The following FAT2 variants were observed in gnomAD, a reference collection of about 807,000 sequenced individuals.
FAT2 encodes FAT atypical cadherin 2, also known as protocadherin Fat 2.
FAT2 carries 150 observed loss-of-function variants against 295.3 expected under a neutral mutation model. That is an observed-to-expected ratio of 0.51 (90% confidence interval 0.44 to 0.58). The LOEUF is 0.58. FAT2 is among the 20% of genes least tolerant of loss of function. FAT2 has a pLI of 0.00. For synonymous variants in FAT2, 2,026 were observed against 2,150.3 expected (o/e 0.94, Z 1.60); for missense variants, 4,868 against 5,442.7 (o/e 0.89, Z 3.32).
At chr5:151,563,727 A>T in intron 2 of FAT2, 88 bp from the exon 3 acceptor site, 1 of 1,050,812 alleles carries the variant, frequency 9.5e-7, no homozygotes, top group Non-Finnish European at 1.4e-6. Context: ...CCCAAACCGC[A>T]CTGTGGAAAG....
At chr5:151,562,251 A>G (rs1758047849) in intron 3 of FAT2, among the ~76,000 whole-genome samples, 1 of 152,176 alleles carries the variant, frequency 6.6e-6, no homozygotes. Flanking sequence ...GCCCGCTCGC[A>G]TTCTTCCTTT....
At chr5:151,553,421 G>T (rs2127628197) in intron 5 of FAT2, 34 bp from the exon 6 acceptor site, 1 of 1,601,258 alleles carries the variant, frequency 6.2e-7, no homozygotes, top group Non-Finnish European at 8.5e-7. Flanking sequence ...CTGAGGTTTG[G>T]GGCCAAGAGA....
chr5:151,530,327 A>G (rs1232259026), intron 14 of FAT2, among the ~76,000 whole-genome samples: 1 of 151,922 alleles, frequency 6.6e-6, no homozygotes, highest in East Asian at 1.9e-4. Context: ...TCTGTGAGGC[A>G]CTGTGTTGAT....
Position 151,531,642 on chromosome 5 carries a change from G to C in FAT2, c.9756C>G (p.Gly3252=), listed in dbSNP as rs2127591172. The stretch of plus-strand genomic sequence containing the variant: ...GCTCGTTCCCGCTGACCACGCGGTA[G>C]CCGGTCTTCTCTGCGCCCGGGCGAG... ...TLTRPGAEKT[G]YRVVSGNEQG... Residue 3252 remains glycine, a synonymous_variant, in exon 14 of 24, where the codon GGC becomes GGG. Transcript: ENST00000261800. The surrounding 1 kb of genome is among the most constrained non-coding windows in gnomAD (Gnocchi z 5.7). 6.2e-7 allele frequency: 1 copy of C among 1,613,716 alleles called. No individual in the cohort carries two copies. The highest frequency in any genetic ancestry group is 8.5e-7 in the Non-Finnish European group (1 of 1,179,972).
At position 151,591,290 on chromosome 5, in the gene FAT2, C is replaced by T. The variant is rs1320048368; in HGVS notation, c.-146G>A. Reference sequence around the variant, plus strand: ...ACTCGGAGCAGGAAGGCGCGCAGCCCGCAGCCGGAGAGGCTGCTGAGAAAG... The same window carrying T: ...ACTCGGAGCAGGAAGGCGCGCAGCCTGCAGCCGGAGAGGCTGCTGAGAAAG... On this transcript the variant is annotated 5_prime_UTR_variant, in exon 1 of 24. Coordinates refer to ENST00000261800, the MANE Select transcript of FAT2 (RefSeq NM_001447.3). Among the ~76,000 whole-genome samples, 5 of 152,142 alleles carry T rather than the reference C, an allele frequency of 3.3e-5. No individual in the cohort carries two copies. Among genetic ancestry groups the T allele is most frequent in the Non-Finnish European group, 5.9e-5 (4 of 68,030 alleles).
intron 23 of FAT2, among the ~76,000 whole-genome samples, 160 bp downstream of exon 23, chr5:151,506,994 G>C (rs905214563): frequency 3.3e-5 from 5 of 152,212 alleles, no homozygotes; most frequent in Non-Finnish European, 4.4e-5. Flanking sequence ...ATCTGCTCCA[G>C]CATCCGTGCC....
chr5:151,540,419 G>A (rs941384814), intron 11 of FAT2, 148 bp downstream of exon 11: 11 of 502,348 alleles, frequency 2.2e-5, no homozygotes, highest in African/African-American at 1.0e-4. Context: ...CTGTTCTCCT[G>A]CCCCTCAATC....
chr5:151,527,978 C>A lies in FAT2; in HGVS notation c.10164+18G>T. Reference sequence around the variant, plus strand: ...CTGCTCTAATGAGCTCAGGGTGCGCCCCTCCCACATGACTCACCTGTTCCC... The same window carrying A: ...CTGCTCTAATGAGCTCAGGGTGCGCACCTCCCACATGACTCACCTGTTCCC... On this transcript the variant is annotated intron_variant, in intron 16 of 23. Coordinates refer to ENST00000261800, the MANE Select transcript of FAT2 (RefSeq NM_001447.3). The A allele has an allele frequency of 6.2e-7, 1 of 1,613,022 alleles. No homozygotes were observed. The highest frequency in any genetic ancestry group is 8.5e-7 in the Non-Finnish European group (1 of 1,179,620).
At chr5:151,592,770 T>C (rs113743787), upstream of FAT2, among the ~76,000 whole-genome samples, 132 of 108,838 alleles carry the variant, frequency 1.2e-3, no homozygotes, top group African/African-American at 3.6e-3. Context: ...GTGACAAAAC[T>C]GAGGCCTGGT....
At chr5:151,507,704 C>G (rs553058197) in intron 22 of FAT2, 93 bp from the exon 23 acceptor site, 23 of 1,151,422 alleles carry the variant, frequency 2.0e-5, no homozygotes, top group Admixed American at 1.4e-4. Context: ...ACTGCTCCCC[C>G]CAAAACCTAC....
At position 151,506,000 on chromosome 5, in the gene FAT2, G is replaced by T. The variant is rs759780660; in HGVS notation, c.12615C>A (p.Pro4205=). The T allele has an allele frequency of 2.5e-6, 4 of 1,573,172 alleles. No homozygotes were observed. The highest frequency in any genetic ancestry group is 4.5e-5 in the East Asian group (2 of 44,636). ...CTGGGGTTGAGTGGCGGTGAGCCGA[G>T]GGCGGCAGAGGGCCCTGAGTCACTT... ...HSEVTQGPLP[P]SAHRHSTPVV... The change falls in exon 24 of 24, where the codon CCC becomes CCA. Residue 4205 remains proline, a synonymous_variant. Coordinates refer to ENST00000261800, the MANE Select transcript of FAT2 (RefSeq NM_001447.3).
At chr5:151,555,269 G>A (rs1158684484) in intron 4 of FAT2, among the ~76,000 whole-genome samples, 2 of 151,330 alleles carry the variant, frequency 1.3e-5, no homozygotes. Flanking sequence ...ACACTTTGGT[G>A]TTTAAAGGTA....
chr5:151,570,849 T>C lies in FAT2; in HGVS notation c.-20-1898A>G, dbSNP rs1758493890. ...GGAGCCCCGTCTTGCCAGAGTCCTG[T>C]GTGAACTGGGCACAGGGTTCCCCAA... On this transcript the variant is annotated intron_variant, in intron 1 of 23. Transcript: ENST00000261800. Among the ~76,000 whole-genome samples the C allele has an allele frequency of 2.6e-5, 4 of 152,194 alleles. No individual in the cohort carries two copies. The South Asian group carries it at 8.3e-4, about 31-fold the overall frequency.
intron 13 of FAT2, among the ~76,000 whole-genome samples, chr5:151,532,388 AAC>A (rs3056512): frequency 0.16 from 24,329 of 150,244 alleles, 2,201 homozygotes; most frequent in Admixed American, 0.26. Context: ...TGCGTGTACA[AAC>A]ACACACACAC....
chr5:151,524,791 A>T (rs556558115), intron 18 of FAT2, among the ~76,000 whole-genome samples: 1 of 152,010 alleles, frequency 6.6e-6, no homozygotes, highest in Non-Finnish European at 1.5e-5. Context: ...TTCCCAACTC[A>T]TGTTGCTCTT....
chr5:151,556,348 A>G lies in FAT2; in HGVS notation c.3629T>C (p.Leu1210Pro). The change falls in exon 4 of 24, where the codon CTG becomes CCG. Residue 1210 changes from leucine (L) to proline (P), a missense_variant. Transcript: ENST00000261800. ...LDRENKDEHI[L>P]EVTVLDNGEP... ...GGATTCACCACCATTACTTACCTCC[A>G]GGATGTGTTCATCCTTGTTCTCTCT... 1 of 1,613,696 alleles carries G rather than the reference A, an allele frequency of 6.2e-7. No homozygotes were observed. Among genetic ancestry groups the G allele is most frequent in the South Asian group, 1.1e-5 (1 of 91,056 alleles).
chr5:151,528,211 C>T (rs1754224637), intron 15 of FAT2, 78 bp from the exon 16 acceptor site: 3 of 1,546,938 alleles, frequency 1.9e-6, no homozygotes, highest in Non-Finnish European at 1.8e-6. Flanking sequence ...ACAGATATGT[C>T]CCTGCCCCAG....
chr5:151,516,660 C>G (rs1407549098), intron 20 of FAT2, among the ~76,000 whole-genome samples: 1 of 152,176 alleles, frequency 6.6e-6, no homozygotes, highest in Non-Finnish European at 1.5e-5. Flanking sequence ...AGTCTCTCCC[C>G]CATAGAACAA....
chr5:151,547,752 C>T (rs1756782008), intron 9 of FAT2, among the ~76,000 whole-genome samples: 1 of 152,074 alleles, frequency 6.6e-6, no homozygotes, highest in South Asian at 2.1e-4. Flanking sequence ...TATAATATCA[C>T]ACTGCTGAAA....
Sources: allele counts gnomAD v4.1 joint callset (sites outside exome capture counted in the v4.1 genomes callset), GRCh38; gene constraint gnomAD v4.1.1; non-coding constraint Gnocchi (gnomAD v3.1); transcripts MANE v1.5; gene names NCBI Gene and HGNC (gene_info 2026-07-23, HGNC 2026-07-21).